BLTP3B: variants seen among roughly 807,000 people sequenced by gnomAD.
BLTP3B encodes UHRF1 (ICBP90) binding protein 1-like.
the BLTP3B span, among the ~76,000 whole-genome samples, chr12:100,066,626 T>C: frequency 1.2e-4 from 17 of 136,392 alleles, 1 homozygote; most frequent in East Asian, 3.4e-3. Context: ...ACCCTGTCTC[T>C]ACTAAAAAAA....
At chr12:100,107,335 A>T in the BLTP3B span, among the ~76,000 whole-genome samples, 2 of 82,372 alleles carry the variant, frequency 2.4e-5, no homozygotes, top group Non-Finnish European at 4.4e-5. Flanking sequence ...AATAAGTTAT[A>T]ATAATAATAA....
the BLTP3B span, among the ~76,000 whole-genome samples, chr12:100,100,159 A>G: frequency 1.4e-5 from 2 of 146,196 alleles, no homozygotes; most frequent in African/African-American, 2.5e-5. Context: ...AAAAAAGTTA[A>G]CTGGGCATGG....
At chr12:100,071,323 C>A in the BLTP3B span, among the ~76,000 whole-genome samples, 34 of 151,842 alleles carry the variant, frequency 2.2e-4, no homozygotes, top group African/African-American at 7.5e-4. Context: ...ATGACAAAAC[C>A]CTATCTCTAT....
chr12:100,113,568 TCA>T, the BLTP3B span, among the ~76,000 whole-genome samples: 1 of 152,192 alleles, frequency 6.6e-6, no homozygotes, highest in African/African-American at 2.4e-5. Flanking sequence ...AGTACCTGCC[TCA>T]CAGAGTTGTT....
At chr12:100,123,403 A>G in the BLTP3B span, among the ~76,000 whole-genome samples, 1 of 152,188 alleles carries the variant, frequency 6.6e-6, no homozygotes, top group Admixed American at 6.5e-5. Context: ...CTCTGCTCAC[A>G]CAACAATAAT....
the BLTP3B span, chr12:100,051,479 T>A: frequency 3.3e-6 from 1 of 301,798 alleles, no homozygotes; most frequent in Non-Finnish European, 6.0e-6. Flanking sequence ...TCAATACTTT[T>A]AAAAAATGCC....
At chr12:100,061,110 A>C in the BLTP3B span, among the ~76,000 whole-genome samples, 1 of 152,222 alleles carries the variant, frequency 6.6e-6, no homozygotes, top group African/African-American at 2.4e-5. Flanking sequence ...ATTACAATTT[A>C]AGTCTATCAG....
the BLTP3B span, among the ~76,000 whole-genome samples, chr12:100,060,617 G>A: frequency 1.3e-5 from 2 of 152,128 alleles, no homozygotes; most frequent in Admixed American, 1.3e-4. Context: ...CTATAATAGT[G>A]CTTGGAGTAA....
chr12:100,045,714 C>T, the BLTP3B span, among the ~76,000 whole-genome samples: 1 of 152,070 alleles, frequency 6.6e-6, no homozygotes, highest in African/African-American at 2.4e-5. Context: ...CAACAAAAGC[C>T]AAAATTGACA....
chr12:100,110,723 G>T, the BLTP3B span, among the ~76,000 whole-genome samples: 1 of 151,998 alleles, frequency 6.6e-6, no homozygotes. Flanking sequence ...GGAAAAGGGG[G>T]TAGGGAAAGA....
At chr12:100,092,394 A>C in the BLTP3B span, among the ~76,000 whole-genome samples, 1 of 152,246 alleles carries the variant, frequency 6.6e-6, no homozygotes, top group Admixed American at 6.5e-5. Context: ...GGAGCAACAA[A>C]ACGTAATAGC....
the BLTP3B span, among the ~76,000 whole-genome samples, chr12:100,067,307 C>G: frequency 6.6e-6 from 1 of 151,904 alleles, no homozygotes; most frequent in Non-Finnish European, 1.5e-5. Flanking sequence ...AAACCAAACC[C>G]AAACCCAGCA....
chr12:100,093,561 G>C, the BLTP3B span, among the ~76,000 whole-genome samples: 3 of 152,046 alleles, frequency 2.0e-5, no homozygotes, highest in African/African-American at 4.8e-5. Flanking sequence ...TTTCCCAGAG[G>C]AGTTTTTACC....
the BLTP3B span, among the ~76,000 whole-genome samples, chr12:100,086,786 A>G: frequency 6.6e-6 from 1 of 152,238 alleles, no homozygotes; most frequent in Non-Finnish European, 1.5e-5. Flanking sequence ...GGCCAAGGAC[A>G]TACAGCTAGT....
At chr12:100,102,740 C>T in the BLTP3B span, 1 of 1,261,264 alleles carries the variant, frequency 7.9e-7, no homozygotes, top group Non-Finnish European at 1.1e-6. Flanking sequence ...TATTGGCAGT[C>T]ATGCAGATTA....
At chr12:100,104,485 C>T in the BLTP3B span, among the ~76,000 whole-genome samples, 6,301 of 150,986 alleles carry the variant, frequency 0.042, 278 homozygotes, top group African/African-American at 0.11. Flanking sequence ...ATTACAGGCA[C>T]GCACCACCAT....
At chr12:100,069,877 T>C in the BLTP3B span, 1 of 895,218 alleles carries the variant, frequency 1.1e-6, no homozygotes, top group Non-Finnish European at 1.3e-6. Flanking sequence ...TTTTTTTAAA[T>C]AAAAATAAAA....
chr12:100,056,370 G>A, the BLTP3B span, among the ~76,000 whole-genome samples: 1 of 152,238 alleles, frequency 6.6e-6, no homozygotes, highest in African/African-American at 2.4e-5. Flanking sequence ...GTGGTATTCT[G>A]TGATAGAACA....
At chr12:100,134,479 T>C in the BLTP3B span, among the ~76,000 whole-genome samples, 1 of 151,888 alleles carries the variant, frequency 6.6e-6, no homozygotes, top group African/African-American at 2.4e-5. Context: ...TAGCCAAACA[T>C]GGTGGCGGCT....
Sources: allele counts gnomAD v4.1 joint callset (sites outside exome capture counted in the v4.1 genomes callset), GRCh38; gene constraint gnomAD v4.1.1; transcripts MANE v1.5; gene names NCBI Gene and HGNC (gene_info 2026-07-23, HGNC 2026-07-21).